Variants in IL1RL1 observed in about 807,000 individuals in gnomAD.
IL1RL1 encodes interleukin-1 receptor-like 1.
In IL1RL1, 32 loss-of-function variants were observed where a neutral mutation model predicts 50.9. The ratio of observed to expected loss-of-function variants is 0.63; its 90% CI spans 0.47 to 0.84. The LOEUF is 0.84. Among genes scored for constraint, IL1RL1 ranks in the 40% least tolerant of loss-of-function variants. IL1RL1 has a pLI of 0.00. For synonymous variants in IL1RL1, 275 were observed against 236.0 expected (o/e 1.17, Z -1.51); for missense variants, 773 against 662.9 (o/e 1.17, Z -1.82).
chr2:102,324,585 G>A (rs1180406824), intron 1 of IL1RL1, among the ~76,000 whole-genome samples: 1 of 152,180 alleles, frequency 6.6e-6, no homozygotes, highest in Non-Finnish European at 1.5e-5. Context: ...AAGGGGTCAG[G>A]GAATTCCCTT....
chr2:102,343,165 G>C lies in IL1RL1; in HGVS notation c.812G>C (p.Gly271Ala). Reference sequence around the variant, plus strand: ...GAACCAAGAATTCAACAAGAGGAAGGGCAAAATCAAAGGTATTTTTATATT... The same window carrying C: ...GAACCAAGAATTCAACAAGAGGAAGCGCAAAATCAAAGGTATTTTTATATT... ...FGEPRIQQEE[G>A]QNQSFSNGLA... The change falls in exon 7 of 11, where the codon GGG (glycine) becomes GCG (alanine). Residue 271 changes from glycine (G) to alanine (A), a missense_variant. Transcript: ENST00000233954. 1 of 1,613,982 alleles carries C rather than the reference G, an allele frequency of 6.2e-7. No individual in the cohort carries two copies.
chr2:102,324,425 C>T (rs933134966), intron 1 of IL1RL1, among the ~76,000 whole-genome samples: 5 of 152,166 alleles, frequency 3.3e-5, no homozygotes, highest in East Asian at 1.9e-4. Context: ...CCAGCGTGAG[C>T]GACACAGAAG....
At chr2:102,343,491 G>C (rs1019437084) in intron 8 of IL1RL1, 76 bp downstream of exon 8, 2 of 1,612,206 alleles carry the variant, frequency 1.2e-6, no homozygotes, top group Non-Finnish European at 1.7e-6. Context: ...GTGGTTCCAA[G>C]AGATCCATCA....
chr2:102,343,560 C>A, intron 8 of IL1RL1, 145 bp downstream of exon 8: 1 of 1,547,300 alleles, frequency 6.5e-7, no homozygotes, highest in Admixed American at 1.8e-5. Context: ...ATGTTGTTTG[C>A]TGTCTGATCT....
At chr2:102,313,306 T>G (rs1676576466) in intron 1 of IL1RL1, 1 of 152,076 alleles carries the variant, frequency 6.6e-6, no homozygotes, top group South Asian at 2.1e-4. Context: ...TTGTCCTTAT[T>G]TTTTTTGTTC....
Position 102,339,040 on chromosome 2 carries a change from G to T in IL1RL1, c.265G>T (p.Val89Phe), listed in dbSNP as rs1677442394. Reference sequence around the variant, plus strand: ...TGATTCTGGTATTTATACCTGTATTGTCAGAAGGTATTATGCAGAAGGCTC... The same window carrying T: ...TGATTCTGGTATTTATACCTGTATTTTCAGAAGGTATTATGCAGAAGGCTC... Reference protein sequence around the residue: ...VADSGIYTCIVRSPTFNRTGY... With the variant: ...VADSGIYTCIFRSPTFNRTGY... Residue 89 changes from valine (V) to phenylalanine (F), a missense_variant, in exon 3 of 11, where the codon GTC becomes TTC. By Grantham distance (50) the Val-to-Phe change is conservative (BLOSUM62 -1). Coordinates refer to ENST00000233954, the MANE Select transcript of IL1RL1 (RefSeq NM_016232.5). The T allele has an allele frequency of 6.2e-7, 1 of 1,609,374 alleles. No individual in the cohort carries two copies. The highest frequency in any genetic ancestry group is 8.5e-7 in the Non-Finnish European group (1 of 1,176,296).
At chr2:102,335,392 A>G (rs548028877) in intron 1 of IL1RL1, among the ~76,000 whole-genome samples, 137 of 151,952 alleles carry the variant, frequency 9.0e-4, no homozygotes, top group African/African-American at 3.0e-3. Flanking sequence ...TTGGGGGGAG[A>G]AAAGCTTGAC....
intron 1 of IL1RL1, among the ~76,000 whole-genome samples, chr2:102,324,698 G>T (rs1300756134): frequency 6.6e-6 from 1 of 152,228 alleles, no homozygotes; most frequent in Admixed American, 6.5e-5. Context: ...CACACCAGGA[G>T]ATTATATCCT....
intron 8 of IL1RL1, chr2:102,344,014 A>G (rs1369459861): frequency 3.3e-6 from 2 of 600,474 alleles, no homozygotes; most frequent in Non-Finnish European, 4.2e-6. Context: ...AAAGAGGTTT[A>G]ATTGGCTCAC....
chr2:102,350,325 T>C (rs935537353), intron 10 of IL1RL1, among the ~76,000 whole-genome samples: 1 of 152,248 alleles, frequency 6.6e-6, no homozygotes, highest in African/African-American at 2.4e-5. Flanking sequence ...TTTCAGTCTA[T>C]CCACCTAAGT....
intron 8 of IL1RL1, chr2:102,344,193 T>C (rs1677695961): frequency 6.4e-6 from 1 of 156,586 alleles, no homozygotes; most frequent in Non-Finnish European, 1.4e-5. Flanking sequence ...AGTCACTCAC[T>C]ATTGCAAGGA....
chr2:102,342,174 A>T (rs368960040), intron 5 of IL1RL1, 49 bp from the exon 6 acceptor site: 2 of 1,259,852 alleles, frequency 1.6e-6, no homozygotes, highest in South Asian at 2.4e-5. Flanking sequence ...CTTTATATTG[A>T]CTAGCATTCA....
At chr2:102,318,949 G>A (rs1276635451) in intron 1 of IL1RL1, among the ~76,000 whole-genome samples, 1 of 152,030 alleles carries the variant, frequency 6.6e-6, no homozygotes, top group Non-Finnish European at 1.5e-5. Flanking sequence ...TTTCCAAAGT[G>A]GATTCAAATT....
intron 1 of IL1RL1, among the ~76,000 whole-genome samples, chr2:102,312,250 GCAA>G (rs1676539490): frequency 6.9e-6 from 1 of 145,904 alleles, no homozygotes; most frequent in Non-Finnish European, 1.5e-5. Flanking sequence ...GGTGCCTTAT[GCAA>G]ATGAAGGGCC....
chr2:102,326,727 T>G (rs1020258064), intron 1 of IL1RL1, among the ~76,000 whole-genome samples: 18 of 152,048 alleles, frequency 1.2e-4, no homozygotes, highest in Admixed American at 6.5e-4. Context: ...AAACAGACTT[T>G]AAACCAACAA....
At chr2:102,314,693 A>C (rs1276055689) in intron 1 of IL1RL1, among the ~76,000 whole-genome samples, 1 of 152,206 alleles carries the variant, frequency 6.6e-6, no homozygotes, top group Non-Finnish European at 1.5e-5. Flanking sequence ...CTGGTGGTAC[A>C]GGGGTAAAAG....
intron 1 of IL1RL1, among the ~76,000 whole-genome samples, chr2:102,322,587 C>T (rs1050695096): frequency 5.3e-5 from 8 of 152,208 alleles, no homozygotes; most frequent in Non-Finnish European, 7.4e-5. Flanking sequence ...GACTTCAATA[C>T]AGTTCTCTTC....
intron 1 of IL1RL1, among the ~76,000 whole-genome samples, chr2:102,322,331 G>A (rs889280400): frequency 6.6e-6 from 1 of 152,120 alleles, no homozygotes; most frequent in Admixed American, 6.5e-5. Context: ...CTGTCCCATT[G>A]CCCTTAATCT....
At chr2:102,345,515 G>A (rs1677752230) in intron 8 of IL1RL1, 1 of 985,436 alleles carries the variant, frequency 1.0e-6, no homozygotes, top group Non-Finnish European at 1.2e-6. Flanking sequence ...CCACCCATGT[G>A]TGTGGTATGG....
Sources: gnomAD v4.1 joint callset for allele counts (sites outside exome capture counted in the v4.1 genomes callset) on GRCh38, gnomAD v4.1.1 for gene constraint, MANE v1.5 for transcripts, NCBI Gene and HGNC (gene_info 2026-07-23, HGNC 2026-07-21) for gene names.